DENND3: variants seen among roughly 807,000 people sequenced by gnomAD.
The protein encoded by DENND3 is DENN domain-containing protein 3.
DENND3 carries 88 observed loss-of-function variants against 135.1 expected under a neutral mutation model. The observed-to-expected ratio is 0.65, with a 90% confidence interval of 0.55 to 0.78. DENND3 has a LOEUF of 0.78. Among genes scored for constraint, DENND3 ranks in the 30% least tolerant of loss-of-function variants. DENND3 has a pLI of 0.00. For synonymous variants in DENND3, 693 were observed against 712.3 expected, an observed-to-expected ratio of 0.97 and a Z score of 0.43; for missense variants, 1,392 against 1,688.4, an observed-to-expected ratio of 0.82 and a Z score of 3.08.
chr8:141,190,536 A>C, intron 20 of DENND3, 119 bp downstream of exon 20: 1 of 1,370,598 alleles, frequency 7.3e-7, no homozygotes, highest in South Asian at 1.7e-5. Context: ...CTTTATTTTA[A>C]ACTCGGGTTC....
In DENND3 at chr8:141,137,968, A is replaced by G; in HGVS notation, c.386-54A>G. On this transcript the variant is annotated intron_variant, in intron 2 of 22. Transcript: ENST00000519811. The surrounding 1 kb of genome is among the most constrained non-coding windows in gnomAD (Gnocchi z 4.1). ...ACTGTGAAGAAATCAGCTCGTGGGTAACCCAGGCCACTTGGCAAGAACAGG... is the reference window on the plus strand; with the variant it reads ...ACTGTGAAGAAATCAGCTCGTGGGTGACCCAGGCCACTTGGCAAGAACAGG... 1 of 1,541,532 alleles carries G rather than the reference A, an allele frequency of 6.5e-7. No homozygotes were observed. Among genetic ancestry groups the G allele is most frequent in the Non-Finnish European group, 8.8e-7 (1 of 1,137,640 alleles).
At chr8:141,164,479 C>T (rs438041) in intron 10 of DENND3, among the ~76,000 whole-genome samples, 96,497 of 152,036 alleles carry the variant, frequency 0.63, 30,996 homozygotes, top group African/African-American at 0.73. Context: ...TGCTAAGTGA[C>T]GTACCCTGCC....
intron 19 of DENND3, 35 bp from the exon 20 acceptor site, chr8:141,190,249 A>G (rs1433318281): frequency 1.3e-6 from 2 of 1,534,918 alleles, no homozygotes; most frequent in Non-Finnish European, 1.8e-6. Context: ...CAGGGGCCCA[A>G]GTTAAAGGTG....
In DENND3 at chr8:141,177,945, CTCT is replaced by C. The variant is rs1822607024; in HGVS notation, c.2707-119_2707-117del. The C allele has an allele frequency of 3.2e-6, 4 of 1,249,662 alleles. No homozygotes were observed. In the African/African-American group the frequency reaches 6.0e-5, roughly 19 times the overall value. 77.4% of individuals were successfully genotyped at this position (1,249,662 alleles called of 1,614,324 possible). A position where few individuals can be genotyped will look rare whatever the true frequency, so the allele number is the denominator to read the frequency against. ...AATCCAAATTCATCCGTGATCTAAACTCTTCATGTCACTTTGGAAAAAGGCATT... is the reference window on the plus strand; with the variant it reads ...AATCCAAATTCATCCGTGATCTAAACTCATGTCACTTTGGAAAAAGGCATT... On this transcript the variant is annotated intron_variant, in intron 15 of 22. Transcript: ENST00000519811.
At position 141,168,127 on chromosome 8, in the gene DENND3, G is replaced by C. The variant is rs746413290; in HGVS notation, c.1877G>C (p.Cys626Ser). The change falls in exon 13 of 23, where the codon TGC (cysteine) becomes TCC (serine). Residue 626 changes from cysteine to serine, a missense_variant. By Grantham distance (112) the Cys-to-Ser change is moderately radical. Coordinates refer to ENST00000519811, the MANE Select transcript of DENND3 (RefSeq NM_001352890.3). The surrounding 1 kb of genome is among the most constrained non-coding windows in gnomAD (Gnocchi z 6.2). The stretch of plus-strand genomic sequence containing the variant: ...GTCTCCATGCTGAGCGAGGCCATGT[G>C]CTTTCTGGCCCCCGATAACTCTCTG... ...HFVSMLSEAMCFLAPDNSLLL... is the reference protein window; with the variant it reads ...HFVSMLSEAMSFLAPDNSLLL... The C allele has an allele frequency of 2.5e-6, 4 of 1,614,198 alleles. No homozygotes were observed. Among genetic ancestry groups the C allele is most frequent in the Non-Finnish European group, 3.4e-6 (4 of 1,180,040 alleles).
chr8:141,173,507 C>T (rs1047079806), intron 13 of DENND3: 5 of 152,214 alleles, frequency 3.3e-5, no homozygotes, highest in East Asian at 1.9e-4. Context: ...GAAATTTCCT[C>T]CTGAGCCTGT....
chr8:141,166,825 C>A lies in DENND3; in HGVS notation c.1753+436C>A, dbSNP rs1820868209. On this transcript the variant is annotated intron_variant, in intron 12 of 22. Transcript: ENST00000519811. This position sits in a 1 kb window ranked among gnomAD's most constrained non-coding sequence, Gnocchi z 4.3. ...ATTCCAGGGCCAGGGCTAAAGTGAGCAGGGCCAGGGATGGGGAGGGGGCTT... is the reference window on the plus strand; with the variant it reads ...ATTCCAGGGCCAGGGCTAAAGTGAGAAGGGCCAGGGATGGGGAGGGGGCTT... Among the ~76,000 whole-genome samples the A allele has an allele frequency of 6.6e-6, 1 of 152,178 alleles. No individual in the cohort carries two copies. The highest frequency in any genetic ancestry group is 1.5e-5 in the Non-Finnish European group (1 of 68,032).
Position 141,194,798 on chromosome 8 carries a change from G to A in DENND3, c.*565G>A, listed in dbSNP as rs188785256. 2 of 153,218 alleles carry A rather than the reference G, an allele frequency of 1.3e-5. No homozygotes were observed. Among genetic ancestry groups the A allele is most frequent in the East Asian group, 1.9e-4 (1 of 5,188 alleles). 9.5% of individuals were successfully genotyped at this position (153,218 alleles called of 1,614,324 possible). A position where few individuals can be genotyped will look rare whatever the true frequency, so the allele number is the denominator to read the frequency against. ...GAAGGTGGACAGGGCCTACCCAGGTGGAGGGGACCACCCTGCGATCAGGTG... is the reference window on the plus strand; with the variant it reads ...GAAGGTGGACAGGGCCTACCCAGGTAGAGGGGACCACCCTGCGATCAGGTG... On this transcript the variant is annotated 3_prime_UTR_variant, in exon 23 of 23. Coordinates refer to ENST00000519811, the MANE Select transcript of DENND3 (RefSeq NM_001352890.3).
At chr8:141,176,402 A>G (rs2154613331) in intron 14 of DENND3, 189 bp from the exon 15 acceptor site, 1 of 649,966 alleles carries the variant, frequency 1.5e-6, no homozygotes. Context: ...GCCGCACCGC[A>G]GGTGAATCCT....
rs138721284 is a variant in DENND3 at position 141,133,138 on chromosome 8, G to A, written c.103-3371G>A. Among the ~76,000 whole-genome samples, 1,018 of 152,282 alleles carry A rather than the reference G, an allele frequency of 6.7e-3. 20 individuals are homozygous for A. Among genetic ancestry groups the A allele is most frequent in the African/African-American group, 0.024 (983 of 41,548 alleles). ...CCTTCTGCAGTGAGCGTGGGGGGTG[G>A]AGGGTCTGCCCCCGTGCAGGTGGAG... On this transcript the variant is annotated intron_variant, in intron 1 of 22. Coordinates refer to ENST00000519811, the MANE Select transcript of DENND3 (RefSeq NM_001352890.3).
chr8:141,156,984 A>G (rs372791399), intron 8 of DENND3, among the ~76,000 whole-genome samples: 34 of 151,838 alleles, frequency 2.2e-4, no homozygotes, highest in African/African-American at 7.7e-4. Flanking sequence ...GGGTTTCACT[A>G]TGTTGGCCAG....
intron 17 of DENND3, chr8:141,184,763 T>A (rs1823671846): frequency 1.6e-5 from 3 of 184,206 alleles, no homozygotes; most frequent in Non-Finnish European, 3.4e-5. Context: ...TCTCTCCAGC[T>A]GCCCTCCCTC....
Position 141,146,713 on chromosome 8 carries a change from G to A in DENND3, c.735+2454G>A, listed in dbSNP as rs773245774. On this transcript the variant is annotated intron_variant, in intron 5 of 22. Coordinates refer to ENST00000519811, the MANE Select transcript of DENND3 (RefSeq NM_001352890.3). The surrounding 1 kb of genome is among the most constrained non-coding windows in gnomAD (Gnocchi z 4.3). ...AGTCTGCTGGGTGGAAAATCCTGCC[G>A]GTGCATTCCAGTCCAGATACGCAGC... 2.6e-5 allele frequency among the ~76,000 whole-genome samples: 4 copies of A among 152,082 alleles called. No homozygotes were observed. Among genetic ancestry groups the A allele is most frequent in the Non-Finnish European group, 5.9e-5 (4 of 68,018 alleles).
Position 141,136,968 on chromosome 8 carries a change from A to ATATT in DENND3, c.385+196_385+199dup, listed in dbSNP as rs568953187. On this transcript the variant is annotated intron_variant, in intron 2 of 22. Coordinates refer to ENST00000519811, the MANE Select transcript of DENND3 (RefSeq NM_001352890.3). Reference sequence around the variant, plus strand: ...ATCTTGGGGATTTTTTTAATTTTTTATATTTATTTATTTATTTATTTACTT... The same window carrying ATATT: ...ATCTTGGGGATTTTTTTAATTTTTTATATTTATTTATTTATTTATTTATTTACTT... Among the ~76,000 whole-genome samples, 391 of 151,806 alleles carry ATATT rather than the reference A, an allele frequency of 2.6e-3. 1 individual carries two copies. The highest frequency in any genetic ancestry group is 8.4e-3 in the African/African-American group (348 of 41,394).
chr8:141,140,123 T>C lies in DENND3; in HGVS notation c.502-1080T>C, dbSNP rs548486317. On this transcript the variant is annotated intron_variant, in intron 3 of 22. Transcript: ENST00000519811. ...AGATGAGGTCTTGCTATGTTGCCCA[T>C]GCTGATCTTGAACTACTGGAATCCT... is the stretch of plus-strand genomic sequence containing the variant. Among the ~76,000 whole-genome samples, 174 of 152,242 alleles carry C rather than the reference T, an allele frequency of 1.1e-3. 1 individual carries two copies. Among genetic ancestry groups the C allele is most frequent in the African/African-American group, 4.1e-3 (169 of 41,542 alleles).
In DENND3 at chr8:141,130,227, T is replaced by TTTATTA. The variant is rs1205119611; in HGVS notation, c.102+1429_102+1434dup. Among the ~76,000 whole-genome samples the TTTATTA allele has an allele frequency of 2.6e-5, 4 of 152,096 alleles. No homozygotes were observed. Among genetic ancestry groups the TTTATTA allele is most frequent in the Admixed American group, 2.6e-4 (4 of 15,272 alleles). On this transcript the variant is annotated intron_variant, in intron 1 of 22. Coordinates refer to ENST00000519811, the MANE Select transcript of DENND3 (RefSeq NM_001352890.3). The surrounding 1 kb of genome is among the most constrained non-coding windows in gnomAD (Gnocchi z 4.2). ...GTGGTGCTTTCTTTTTTTCAATTTC[T>TTTATTA]TTATTATTATTATTATGTTAATAAT...
chr8:141,191,380 C>T (rs956077502), intron 20 of DENND3: 2 of 152,274 alleles, frequency 1.3e-5, no homozygotes, highest in African/African-American at 4.8e-5. Flanking sequence ...TTCCTTCTTG[C>T]AGGGTAATAG....
chr8:141,169,008 G>A (rs773615480), intron 13 of DENND3, among the ~76,000 whole-genome samples: 6 of 151,868 alleles, frequency 4.0e-5, no homozygotes, highest in Admixed American at 1.3e-4. Flanking sequence ...ATAGGCATGC[G>A]CCTCCACACC....
chr8:141,172,090 AGTG>A (rs1189388366), intron 13 of DENND3, among the ~76,000 whole-genome samples: 89 of 140,572 alleles, frequency 6.3e-4, no homozygotes, highest in African/African-American at 2.1e-3. Context: ...GGGTGTGCGC[AGTG>A]GTGGTGGGTG....
Sources: allele counts gnomAD v4.1 joint callset (sites outside exome capture counted in the v4.1 genomes callset), GRCh38; gene constraint gnomAD v4.1.1; non-coding constraint Gnocchi (gnomAD v3.1); transcripts MANE v1.5; gene names NCBI Gene and HGNC (gene_info 2026-07-23, HGNC 2026-07-21).